Variants in PHYKPL observed in about 807,000 individuals in gnomAD.
PHYKPL encodes 5-phosphonooxy-L-lysine phospho-lyase.
In PHYKPL, 42 loss-of-function variants were observed where a neutral mutation model predicts 51.3. The observed-to-expected ratio is 0.82, with a 90% CI of 0.64 to 1.06. PHYKPL has a LOEUF of 1.06. Ranked by LOEUF, PHYKPL falls within the 50% of genes least tolerant of loss-of-function variation. PHYKPL has a pLI of 0.00. For synonymous variants in PHYKPL, 264 were observed against 236.0 expected, an observed-to-expected ratio of 1.12 and a Z score of -1.09; for missense variants, 655 against 586.6, an observed-to-expected ratio of 1.12 and a Z score of -1.20.
chr5:178,213,093 T>A lies in PHYKPL; in HGVS notation c.1183A>T (p.Asn395Tyr). Residue 395 changes from asparagine (N) to tyrosine (Y), a missense_variant, in exon 11 of 13, where the codon AAC becomes TAC. By Grantham distance (143) the Asn-to-Tyr change is moderately radical. Coordinates refer to ENST00000308158, the MANE Select transcript of PHYKPL (RefSeq NM_153373.4). ...CCATCAGTGCTCAGCAAAACGTAGT[T>A]CTCCTTCAGCCTGTGAGGACAGGAC... ...AAYLVSRLKE[N>Y]YVLLSTDGPG... 6.2e-7 allele frequency: 1 copy of A among 1,614,040 alleles called. No individual in the cohort carries two copies. Among genetic ancestry groups the A allele is most frequent in the Non-Finnish European group, 8.5e-7 (1 of 1,179,962 alleles).
At chr5:178,223,233 C>T in intron 6 of PHYKPL, 1 of 415,186 alleles carries the variant, frequency 2.4e-6, no homozygotes, top group Non-Finnish European at 4.6e-6. Context: ...TCCACGCCTC[C>T]TCCCTCAACC....
chr5:178,232,393 C>A, intron 1 of PHYKPL, 99 bp downstream of exon 1: 2 of 1,325,554 alleles, frequency 1.5e-6, no homozygotes, highest in South Asian at 2.0e-5. Flanking sequence ...GGCTTCCTAG[C>A]CGGAGGCGCG....
chr5:178,211,866 G>A (rs1258806605), intron 12 of PHYKPL, 24 bp downstream of exon 12: 2 of 1,549,482 alleles, frequency 1.3e-6, no homozygotes, highest in South Asian at 1.1e-5. Context: ...GCATCTTCAA[G>A]AGTAAGAAGC....
intron 8 of PHYKPL, 125 bp downstream of exon 8, chr5:178,222,230 C>T: frequency 1.3e-6 from 1 of 796,324 alleles, no homozygotes; most frequent in South Asian, 2.0e-5. Context: ...TCCTTAAGGA[C>T]AGCGTCTTGG....
rs369651250 is a variant in PHYKPL, at chr5:178,224,581, C to T, written c.502-17G>A. 203 of 1,613,922 alleles carry T rather than the reference C, an allele frequency of 1.3e-4. No individual in the cohort carries two copies. Among genetic ancestry groups the T allele is most frequent in the Non-Finnish European group, 1.7e-4 (195 of 1,179,868 alleles). On this transcript the variant is annotated splice_polypyrimidine_tract_variant and intron_variant, in intron 5 of 12. Coordinates refer to ENST00000308158, the MANE Select transcript of PHYKPL (RefSeq NM_153373.4). Reference sequence around the variant, plus strand: ...GAGAGGTGCCTGTGGGGAGTGACAGCGCCATGTTATCCGGGCTTGGGGACA... The same window carrying T: ...GAGAGGTGCCTGTGGGGAGTGACAGTGCCATGTTATCCGGGCTTGGGGACA...
At chr5:178,215,716 C>G (rs1240968931) in intron 8 of PHYKPL, 2 of 403,654 alleles carry the variant, frequency 5.0e-6, no homozygotes, top group Non-Finnish European at 8.8e-6. Context: ...CCTGTTTGTT[C>G]CCACAGGGCT....
chr5:178,224,585 A>G (rs1307575997), intron 5 of PHYKPL, 21 bp from the exon 6 acceptor site: 2 of 1,613,980 alleles, frequency 1.2e-6, no homozygotes, highest in African/African-American at 2.7e-5. Context: ...TGACAGCGCC[A>G]TGTTATCCGG....
chr5:178,210,480 A>AGAT (rs1273021007), intron 12 of PHYKPL: 1 of 1,508,706 alleles, frequency 6.6e-7, no homozygotes, highest in Non-Finnish European at 9.2e-7. Flanking sequence ...GGTCCTGGGA[A>AGAT]GATGCATATC....
rs62388718 is a variant in PHYKPL at position 178,222,838 on chromosome 5, G to A, written c.701+14C>T. Reference sequence around the variant, plus strand: ...CCCTGCCCTCCCTAGAGCAGACCCCGCCCACCTACTCACTCTGCCACTTGG... The same window carrying A: ...CCCTGCCCTCCCTAGAGCAGACCCCACCCACCTACTCACTCTGCCACTTGG... On this transcript the variant is annotated intron_variant, in intron 7 of 12. Coordinates refer to ENST00000308158, the MANE Select transcript of PHYKPL (RefSeq NM_153373.4). The A allele has an allele frequency of 7.2e-4, 1,155 of 1,613,742 alleles. 10 individuals carry two copies. The South Asian group carries it at 0.011, about 15-fold the overall frequency.
Position 178,222,344 on chromosome 5 carries a change from C to A in PHYKPL, c.927+11G>T, listed in dbSNP as rs553923363. On this transcript the variant is annotated intron_variant, in intron 8 of 12. Coordinates refer to ENST00000308158, the MANE Select transcript of PHYKPL (RefSeq NM_153373.4). ...CCCATGTTGCTCCCTTGACTTAGAGCCATCACTCACCGTGTTGAAGTACTC... is the reference window on the plus strand; with the variant it reads ...CCCATGTTGCTCCCTTGACTTAGAGACATCACTCACCGTGTTGAAGTACTC... The A allele has an allele frequency of 5.0e-6, 8 of 1,603,654 alleles. No homozygotes were observed. Among genetic ancestry groups the A allele is most frequent in the Middle Eastern group, 1.7e-4 (1 of 6,022 alleles).
intron 4 of PHYKPL, chr5:178,225,104 A>G (rs1178644715): frequency 3.5e-6 from 2 of 579,564 alleles, no homozygotes; most frequent in South Asian, 2.2e-5. Context: ...AACATGTACA[A>G]TGTTGTGGGA....
At chr5:178,218,252 AAC>A (rs1363406730) in intron 8 of PHYKPL, among the ~76,000 whole-genome samples, 1 of 151,574 alleles carries the variant, frequency 6.6e-6, no homozygotes, top group Non-Finnish European at 1.5e-5. Context: ...AGAAAAGAAA[AAC>A]AGTCATATAG....
chr5:178,225,082 T>G (rs1463338474), intron 4 of PHYKPL: 4 of 569,172 alleles, frequency 7.0e-6, no homozygotes, highest in Middle Eastern at 4.6e-4. Context: ...GAGCTACTGC[T>G]GGAGTAGTTT....
chr5:178,207,283 G>C (rs548018009), downstream of PHYKPL: 9 of 1,603,438 alleles, frequency 5.6e-6, no homozygotes, highest in African/African-American at 8.0e-5. Context: ...GGCCCTTAGA[G>C]GGATGGGTTA....
At chr5:178,225,467 C>CT (rs1464700556) in intron 3 of PHYKPL, 38 bp from the exon 4 acceptor site, 1 of 1,607,078 alleles carries the variant, frequency 6.2e-7, no homozygotes, top group African/African-American at 1.3e-5. Flanking sequence ...AGAGAGTAGT[C>CT]TAAGAGCTTC....
At chr5:178,212,505 G>A (rs1758765404) in intron 11 of PHYKPL, among the ~76,000 whole-genome samples, 2 of 152,240 alleles carry the variant, frequency 1.3e-5, no homozygotes, top group South Asian at 4.1e-4. Flanking sequence ...CCTAGGTGAT[G>A]GGGAATGTGG....
intron 1 of PHYKPL, 47 bp from the exon 2 acceptor site, chr5:178,231,570 G>A: frequency 6.2e-7 from 1 of 1,613,766 alleles, no homozygotes. Context: ...AAGACCGAAA[G>A]GGTGAAGTCT....
chr5:178,212,692 C>T (rs1758832866), intron 11 of PHYKPL, among the ~76,000 whole-genome samples: 1 of 152,232 alleles, frequency 6.6e-6, no homozygotes, highest in South Asian at 2.1e-4. Flanking sequence ...GTTTCTCAGG[C>T]CCAGTACTGC....
At position 178,210,451 on chromosome 5, in the gene PHYKPL, T is replaced by C. The variant is rs1757881761; in HGVS notation, c.*31+1439A>G. On this transcript the variant is annotated intron_variant, in intron 12 of 12. Transcript: ENST00000308158. ...TTAATAACATGAGGAAGGCAGTCTC[T>C]GCTGTCACGGCTGGTGAGGGTCCTG... is the stretch of plus-strand genomic sequence containing the variant. 1.1e-5 allele frequency: 17 copies of C among 1,489,236 alleles called. No individual in the cohort carries two copies. The South Asian group carries it at 1.8e-4, about 16-fold the overall frequency. The allele number at this position is 1,489,236 out of a possible 1,614,324, so 92.3% of individuals were successfully genotyped here.
Sources: gnomAD v4.1 joint callset for allele counts (sites outside exome capture counted in the v4.1 genomes callset) on GRCh38, gnomAD v4.1.1 for gene constraint, MANE v1.5 for transcripts, NCBI Gene and HGNC (gene_info 2026-07-23, HGNC 2026-07-21) for gene names.